The following ZMAT5 variants were observed in gnomAD, a reference collection of about 807,000 sequenced individuals.
The protein encoded by ZMAT5 is zinc finger matrin-type protein 5.
Under a neutral mutation model 28.0 loss-of-function variants are expected in ZMAT5, and 23 were observed. The ratio of observed to expected loss-of-function variants is 0.82; its 90% confidence interval spans 0.59 to 1.16. The LOEUF is 1.16. Ranked by LOEUF, ZMAT5 falls within the 50% of genes most tolerant of loss-of-function variation. ZMAT5 has a pLI of 0.00. For synonymous variants in ZMAT5, 76 were observed against 84.1 expected, an observed-to-expected ratio of 0.90 and a Z score of 0.52; for missense variants, 173 against 212.7, an observed-to-expected ratio of 0.81 and a Z score of 1.16.
intron 1 of ZMAT5, among the ~76,000 whole-genome samples, chr22:29,764,157 A>G (rs2068185663): frequency 6.6e-6 from 1 of 152,146 alleles, no homozygotes; most frequent in Non-Finnish European, 1.5e-5. Flanking sequence ...ATAAAACATA[A>G]TAAAACCAAA....
At chr22:29,744,113 G>C (rs896089825) in intron 2 of ZMAT5, among the ~76,000 whole-genome samples, 1 of 152,186 alleles carries the variant, frequency 6.6e-6, no homozygotes, top group Non-Finnish European at 1.5e-5. Flanking sequence ...TTGCAGAGGA[G>C]GCCCGTGGCT....
Position 29,731,351 on chromosome 22 carries a change from AG to A in ZMAT5, c.386del (p.Ala129ValfsTer49). On this transcript the variant is annotated frameshift_variant and splice_region_variant, in exon 6 of 6. Coordinates refer to ENST00000344318, the MANE Select transcript of ZMAT5 (RefSeq NM_001003692.2). LOFTEE classifies it high-confidence loss of function. Reference sequence around the variant, plus strand: ...GGAAGACAGTGGTTCTGATGGGTTCAGCCCTAGAGAGAGAGAGAGAAGCGGG... The same window carrying A: ...GGAAGACAGTGGTTCTGATGGGTTCACCCTAGAGAGAGAGAGAGAAGCGGG... ...KRLSSAPSSR[A>X]EPIRTTVFQY... is the part of the protein sequence containing the mutation. 1 of 1,544,586 alleles carries A rather than the reference AG, an allele frequency of 6.5e-7. No homozygotes were observed.
chr22:29,750,934 T>C (rs1341394455), intron 1 of ZMAT5, among the ~76,000 whole-genome samples: 2 of 152,074 alleles, frequency 1.3e-5, no homozygotes, highest in African/African-American at 4.8e-5. Context: ...GAACAGACAG[T>C]CATTCAAAAT....
chr22:29,742,183 G>A (rs1269799693), intron 3 of ZMAT5, among the ~76,000 whole-genome samples: 1 of 152,192 alleles, frequency 6.6e-6, no homozygotes, highest in Non-Finnish European at 1.5e-5. Flanking sequence ...CGCCTTGCTT[G>A]TTCTAGGTGA....
At chr22:29,733,214 T>A (rs973201153) in intron 5 of ZMAT5, among the ~76,000 whole-genome samples, 1 of 152,086 alleles carries the variant, frequency 6.6e-6, no homozygotes, top group African/African-American at 2.4e-5. Flanking sequence ...CACCCCAACA[T>A]CCAGCCTTCA....
At chr22:29,732,373 T>C (rs1422517091) in intron 5 of ZMAT5, among the ~76,000 whole-genome samples, 4 of 152,140 alleles carry the variant, frequency 2.6e-5, no homozygotes, top group African/African-American at 7.2e-5. Context: ...TGGGCAGCCA[T>C]TGAGTTACAG....
intron 5 of ZMAT5, among the ~76,000 whole-genome samples, chr22:29,734,366 C>T (rs1356424675): frequency 1.3e-5 from 2 of 152,216 alleles, no homozygotes; most frequent in Non-Finnish European, 2.9e-5. Context: ...CCGCAGGTCT[C>T]GGTTCCCCGA....
At chr22:29,755,486 G>A (rs1216924674) in intron 1 of ZMAT5, among the ~76,000 whole-genome samples, 3 of 152,124 alleles carry the variant, frequency 2.0e-5, no homozygotes, top group Non-Finnish European at 4.4e-5. Context: ...GGGTGGCAGA[G>A]AGGAGAAAAG....
chr22:29,745,047 C>G (rs2067997308), intron 2 of ZMAT5, among the ~76,000 whole-genome samples: 1 of 152,258 alleles, frequency 6.6e-6, no homozygotes, highest in African/African-American at 2.4e-5. Flanking sequence ...TGAGCATGTC[C>G]TGTGTGCCAG....
intron 5 of ZMAT5, among the ~76,000 whole-genome samples, chr22:29,735,476 C>G (rs1416778305): frequency 2.0e-5 from 3 of 152,250 alleles, no homozygotes; most frequent in African/African-American, 7.2e-5. Context: ...ATTCCCAAAA[C>G]AGTCACTGCC....
intron 5 of ZMAT5, chr22:29,731,598 C>A (rs956762750): frequency 1.3e-5 from 6 of 472,432 alleles, no homozygotes; most frequent in Admixed American, 4.7e-5. Context: ...ATGGGAATAA[C>A]CTTCGTGTCC....
chr22:29,735,453 T>C (rs2067895423), intron 5 of ZMAT5, among the ~76,000 whole-genome samples: 1 of 152,168 alleles, frequency 6.6e-6, no homozygotes, highest in Admixed American at 6.5e-5. Flanking sequence ...TGGGCTCCAG[T>C]TGCAGAACAA....
intron 5 of ZMAT5, among the ~76,000 whole-genome samples, chr22:29,738,098 C>G (rs955905668): frequency 6.6e-6 from 1 of 152,166 alleles, no homozygotes; most frequent in African/African-American, 2.4e-5. Flanking sequence ...CCCCTCCAGC[C>G]AGCACAGACT....
chr22:29,742,568 T>C lies in ZMAT5; in HGVS notation c.128-88A>G, dbSNP rs1601719902. 5 of 1,197,450 alleles carry C rather than the reference T, an allele frequency of 4.2e-6. No homozygotes were observed. In the East Asian group the frequency reaches 9.5e-5, roughly 23 times the overall value. 74.2% of individuals were successfully genotyped at this position (1,197,450 alleles called of 1,614,324 possible). A position where few individuals can be genotyped will look rare whatever the true frequency, so the allele number is the denominator to read the frequency against. Reference sequence around the variant, plus strand: ...GGAAGCCACAGGGGCATATGGACCCTTTATCTCGACACAGCTGTGCAGAAA... The same window carrying C: ...GGAAGCCACAGGGGCATATGGACCCCTTATCTCGACACAGCTGTGCAGAAA... On this transcript the variant is annotated intron_variant, in intron 2 of 5. Coordinates refer to ENST00000344318, the MANE Select transcript of ZMAT5 (RefSeq NM_001003692.2).
chr22:29,742,278 G>T, intron 3 of ZMAT5, 140 bp downstream of exon 3: 1 of 750,778 alleles, frequency 1.3e-6, no homozygotes, highest in Non-Finnish European at 2.3e-6. Context: ...GCCCTGACTG[G>T]CCAGTCAGCT....
intron 3 of ZMAT5, 61 bp downstream of exon 3, chr22:29,742,357 A>C: frequency 1.3e-6 from 2 of 1,562,106 alleles, no homozygotes; most frequent in South Asian, 2.2e-5. Context: ...CAGAGGTCCA[A>C]GTGGGGCAGG....
rs200565299 is a variant in ZMAT5 at position 29,742,386 on chromosome 22, C to T, written c.190+32G>A. The T allele has an allele frequency of 4.7e-5, 76 of 1,602,378 alleles. 1 individual carries two copies. The Admixed American group carries it at 7.5e-4, about 16-fold the overall frequency. On this transcript the variant is annotated intron_variant, in intron 3 of 5. Transcript: ENST00000344318. Reference sequence around the variant, plus strand: ...GGGCAGGCTGGATATCGCAGGTCCCCGCAGGGACCTGAGCTGTGCAGAGGA... The same window carrying T: ...GGGCAGGCTGGATATCGCAGGTCCCTGCAGGGACCTGAGCTGTGCAGAGGA...
intron 2 of ZMAT5, among the ~76,000 whole-genome samples, chr22:29,744,428 A>G (rs1010116703): frequency 6.6e-6 from 1 of 151,720 alleles, no homozygotes; most frequent in Non-Finnish European, 1.5e-5. Flanking sequence ...GTTGTCAGAG[A>G]ACTCATGCCA....
intron 1 of ZMAT5, among the ~76,000 whole-genome samples, chr22:29,763,047 G>A (rs1042099036): frequency 6.6e-6 from 1 of 151,968 alleles, no homozygotes; most frequent in African/African-American, 2.4e-5. Context: ...AAATTAGGCT[G>A]GGTGGGAGGC....
Sources: allele counts gnomAD v4.1 joint callset (sites outside exome capture counted in the v4.1 genomes callset), GRCh38; gene constraint gnomAD v4.1.1; transcripts MANE v1.5; gene names NCBI Gene and HGNC (gene_info 2026-07-23, HGNC 2026-07-21).